Variants in DMD observed in about 807,000 individuals in gnomAD.
DMD encodes mutant dystrophin.
Under a neutral mutation model 330.1 loss-of-function variants are expected in DMD, and 63 were observed. The ratio of observed to expected loss-of-function variants is 0.19; its 90% CI spans 0.16 to 0.24. The LOEUF (loss-of-function observed/expected upper bound fraction) is 0.24. Ranked by LOEUF, DMD falls within the 10% of genes least tolerant of loss-of-function variation. The probability of loss-of-function intolerance (pLI) is 1.00; values close to 1 mark genes in which losing one functional copy is unlikely to be tolerated. For missense variants in DMD, 3,344 were observed against 2,684.1 expected, an observed-to-expected ratio of 1.25 and a Z score of -5.43; for synonymous variants, 1,223 against 959.8, an observed-to-expected ratio of 1.27 and a Z score of -5.07.
At chrX:32,474,913 G>A (rs2041067075) in intron 21 of DMD, among the ~76,000 whole-genome samples, 2 of 111,368 alleles carry the variant, frequency 1.8e-5, no homozygotes, top group Non-Finnish European at 1.9e-5. Context: ...TGGGTTCCTG[G>A]TCATGAAATC....
At chrX:33,052,367 AC>A (rs1226041342) in intron 1 of DMD, among the ~76,000 whole-genome samples, 1 of 112,155 alleles carries the variant, frequency 8.9e-6, no homozygotes, top group East Asian at 2.8e-4. Flanking sequence ...TACGAGAATG[AC>A]TTTTTTTCTC....
chrX:31,308,403 T>A (rs988313286), intron 62 of DMD, among the ~76,000 whole-genome samples: 8 of 111,315 alleles, frequency 7.2e-5, no homozygotes, highest in African/African-American at 2.3e-4. Flanking sequence ...ATCAACCCCA[T>A]CAACACTCAA....
intron 44 of DMD, among the ~76,000 whole-genome samples, chrX:32,015,664 A>T (rs1193502000): frequency 8.9e-6 from 1 of 111,839 alleles, no homozygotes; most frequent in African/African-American, 3.3e-5. Flanking sequence ...TTTCACCACT[A>T]AACACCTTAT....
chrX:31,893,324 A>C (rs1451260059), intron 47 of DMD, among the ~76,000 whole-genome samples: 1 of 110,987 alleles, frequency 9.0e-6, no homozygotes, highest in East Asian at 2.9e-4. Flanking sequence ...TGTTAATCCC[A>C]TGTGGTTAAT....
Position 32,870,103 on chromosome X carries a change from G to C in DMD, c.94-20283C>G, listed in dbSNP as rs780258701. ...GCAAGCAAATTCAGCAAAGTCTCAG[G>C]ATACAAAAATCAATGTGTAAAAATC... On this transcript the variant is annotated intron_variant, in intron 2 of 78. Coordinates refer to ENST00000357033, the MANE Select transcript of DMD (RefSeq NM_004006.3). Among the ~76,000 whole-genome samples, 9 of 111,701 alleles carry C rather than the reference G, an allele frequency of 8.1e-5. No homozygotes were observed. In the East Asian group the frequency reaches 2.5e-3, roughly 31 times the overall value.
intron 54 of DMD, among the ~76,000 whole-genome samples, chrX:31,655,187 C>A (rs184027355): frequency 1.3e-3 from 140 of 111,638 alleles, no homozygotes; most frequent in African/African-American, 4.5e-3. Flanking sequence ...TTCCCACATG[C>A]TTAGTATTCC....
chrX:32,623,998 T>C (rs909078455), intron 11 of DMD, among the ~76,000 whole-genome samples: 1 of 112,157 alleles, frequency 8.9e-6, no homozygotes, highest in Non-Finnish European at 1.9e-5. Context: ...TTTCAATTTC[T>C]TTGTTGATGA....
intron 44 of DMD, among the ~76,000 whole-genome samples, chrX:32,213,690 G>A (rs1288920621): frequency 8.9e-6 from 1 of 111,872 alleles, no homozygotes; most frequent in Non-Finnish European, 1.9e-5. Context: ...AAATTATCCA[G>A]TTGGCCAGGC....
chrX:32,320,019 A>G (rs2097603839), intron 41 of DMD, among the ~76,000 whole-genome samples: 2 of 110,854 alleles, frequency 1.8e-5, no homozygotes, highest in East Asian at 2.8e-4. Flanking sequence ...CCTCACACAC[A>G]TACTTATACT....
intron 60 of DMD, among the ~76,000 whole-genome samples, chrX:31,381,561 A>G (rs1354669540): frequency 1.8e-5 from 2 of 111,385 alleles, no homozygotes; most frequent in African/African-American, 6.5e-5. Context: ...CCAGACTTCA[A>G]TCCGGCCTCC....
intron 44 of DMD, 120 bp downstream of exon 44, chrX:32,216,796 G>C (rs1306159127): frequency 3.2e-6 from 2 of 621,569 alleles, no homozygotes; most frequent in Non-Finnish European, 5.1e-6. Context: ...GTAATATAAT[G>C]ATGACAACAA....
intron 2 of DMD, among the ~76,000 whole-genome samples, chrX:32,911,506 G>C (rs1227444377): frequency 8.9e-6 from 1 of 111,893 alleles, no homozygotes; most frequent in Non-Finnish European, 1.9e-5. Flanking sequence ...TCAAAGTACA[G>C]CCTTAAAGGA....
chrX:32,736,601 T>A, intron 7 of DMD, among the ~76,000 whole-genome samples: 1 of 110,411 alleles, frequency 9.1e-6, no homozygotes, highest in Admixed American at 9.6e-5. Context: ...AAATGATGAG[T>A]TCATGTCCTT....
At chrX:31,147,183 G>A in intron 75 of DMD, 92 bp downstream of exon 75, 1 of 1,132,906 alleles carries the variant, frequency 8.8e-7, no homozygotes, top group East Asian at 3.0e-5. Context: ...AAGAATTGAT[G>A]CTTGTTGCAC....
chrX:32,693,212 T>C (rs1052802920), intron 9 of DMD, among the ~76,000 whole-genome samples: 2 of 111,915 alleles, frequency 1.8e-5, no homozygotes, highest in African/African-American at 6.5e-5. Flanking sequence ...GATTCTCCTC[T>C]ACAGCCTCCA....
intron 42 of DMD, among the ~76,000 whole-genome samples, chrX:32,296,191 A>AGAC (rs1489302944): frequency 9.0e-6 from 1 of 110,845 alleles, no homozygotes; most frequent in African/African-American, 3.3e-5. Context: ...CAGGAGTTCG[A>AGAC]GACCAGCCTG....
intron 7 of DMD, among the ~76,000 whole-genome samples, chrX:32,776,196 C>G (rs916582618): frequency 9.0e-6 from 1 of 110,819 alleles, no homozygotes; most frequent in Admixed American, 9.6e-5. Context: ...CTTCATTGTC[C>G]GTATCACTAT....
intron 60 of DMD, among the ~76,000 whole-genome samples, chrX:31,434,426 A>G (rs969129401): frequency 0.043 from 2,674 of 62,582 alleles, 58 homozygotes; most frequent in East Asian, 0.12. Context: ...GCGCACACAC[A>G]CACACACACA....
intron 33 of DMD, among the ~76,000 whole-genome samples, 188 bp from the exon 34 acceptor site, chrX:32,380,868 T>C (rs780942951): frequency 9.0e-6 from 1 of 111,100 alleles, no homozygotes; most frequent in Non-Finnish European, 1.9e-5. Flanking sequence ...CTAGGGCAGA[T>C]GACATCGTTT....
Sources: allele counts gnomAD v4.1 joint callset (sites outside exome capture counted in the v4.1 genomes callset), GRCh38; gene constraint gnomAD v4.1.1; transcripts MANE v1.5; gene names NCBI Gene and HGNC (gene_info 2026-07-23, HGNC 2026-07-21).